The following NCOA5 variants were observed in gnomAD, a reference collection of about 807,000 sequenced individuals.
NCOA5 encodes nuclear receptor coactivator 5, also known as NCoA-5.
NCOA5 carries 12 observed loss-of-function variants against 59.0 expected under a neutral mutation model. The ratio of observed to expected loss-of-function variants is 0.20; its 90% CI spans 0.13 to 0.33. NCOA5 has a LOEUF of 0.33. Among genes scored for constraint, NCOA5 ranks in the 10% least tolerant of loss-of-function variants. The pLI is 1.00. For missense variants in NCOA5, 655 were observed against 766.6 expected (o/e 0.85, Z 1.72); for synonymous variants, 270 against 275.5 (o/e 0.98, Z 0.20).
At chr20:46,064,336 A>T (rs930784539) in intron 6 of NCOA5, among the ~76,000 whole-genome samples, 4 of 152,166 alleles carry the variant, frequency 2.6e-5, no homozygotes, top group Non-Finnish European at 4.4e-5. Context: ...GATCCTGCGT[A>T]TAGTGGGAAA....
intron 2 of NCOA5, among the ~76,000 whole-genome samples, chr20:46,071,982 C>G (rs1219625550): frequency 6.6e-6 from 1 of 152,206 alleles, no homozygotes; most frequent in Admixed American, 6.5e-5. Context: ...CCCCAACAAC[C>G]ATGCTCCTCC....
rs2085083528 is a variant in NCOA5, at chr20:46,089,820, T to A, written c.-33A>T. Reference sequence around the variant, plus strand: ...GCCAGCGCTTCCCGGCACTCACCGCTACCAGCGCGGCGGGCTCCCGGCCGC... The same window carrying A: ...GCCAGCGCTTCCCGGCACTCACCGCAACCAGCGCGGCGGGCTCCCGGCCGC... On this transcript the variant is annotated 5_prime_UTR_variant, in exon 1 of 8. Transcript: ENST00000290231. 6.6e-6 allele frequency: 1 copy of A among 152,094 alleles called. No homozygotes were observed. The highest frequency in any genetic ancestry group is 2.4e-5 in the African/African-American group (1 of 41,426). 9.4% of individuals were successfully genotyped at this position (152,094 alleles called of 1,614,324 possible).
chr20:46,080,994 T>C (rs12480744), intron 1 of NCOA5, among the ~76,000 whole-genome samples: 4,712 of 152,212 alleles, frequency 0.031, 162 homozygotes, highest in Admixed American at 0.11. Context: ...TGAAGAATAC[T>C]AGTTCAGGTT....
chr20:46,078,139 G>A (rs1275633311), intron 2 of NCOA5, among the ~76,000 whole-genome samples: 2 of 152,186 alleles, frequency 1.3e-5, no homozygotes, highest in East Asian at 1.9e-4. Flanking sequence ...TGCTGCACAG[G>A]CAGAGTGGAC....
chr20:46,062,043 C>A lies in NCOA5; in HGVS notation c.*257G>T. The stretch of plus-strand genomic sequence containing the variant: ...AAACCCCATCAAATACAAGCCCAGA[C>A]ACCTGTACTGCCCCCGGAGATATTT... On this transcript the variant is annotated 3_prime_UTR_variant, in exon 8 of 8. Transcript: ENST00000290231. The A allele has an allele frequency of 2.9e-6, 1 of 347,912 alleles. No homozygotes were observed. Among genetic ancestry groups the A allele is most frequent in the South Asian group, 6.1e-5 (1 of 16,356 alleles). The allele number at this position is 347,912 out of a possible 1,614,324, so 21.6% of individuals were successfully genotyped here.
chr20:46,089,174 G>A (rs2085073446), intron 1 of NCOA5, among the ~76,000 whole-genome samples: 1 of 152,110 alleles, frequency 6.6e-6, no homozygotes, highest in African/African-American at 2.4e-5. Context: ...TGGAAAGCCG[G>A]CCGGATCGGA....
Position 46,070,438 on chromosome 20 carries a change from C to T in NCOA5, c.137G>A (p.Arg46Gln), listed in dbSNP as rs562345534. Reference sequence around the variant, plus strand: ...AATGTCTCTGCTGTCCCGGGCATCCCGGCCATTTCTGCCATCCCTGGGCTC... The same window carrying T: ...AATGTCTCTGCTGTCCCGGGCATCCTGGCCATTTCTGCCATCCCTGGGCTC... ...RREPRDGRNG[R>Q]DARDSRDIRD... The change falls in exon 3 of 8, where the codon CGG (arginine) becomes CAG (glutamine). Residue 46 changes from arginine (R) to glutamine (Q), a missense_variant. Physicochemically the swap from Arg to Gln is conservative, Grantham distance 43. Coordinates refer to ENST00000290231, the MANE Select transcript of NCOA5 (RefSeq NM_020967.3). 17 of 1,613,964 alleles carry T rather than the reference C, an allele frequency of 1.1e-5. No individual in the cohort carries two copies. Among genetic ancestry groups the T allele is most frequent in the African/African-American group, 5.3e-5 (4 of 74,866 alleles).
chr20:46,070,156 G>A, intron 3 of NCOA5, 54 bp downstream of exon 3: 3 of 1,420,484 alleles, frequency 2.1e-6, no homozygotes, highest in Non-Finnish European at 2.9e-6. Flanking sequence ...TAGTTTAGCA[G>A]AACATACATA....
chr20:46,080,733 A>G (rs1035341042), intron 1 of NCOA5, among the ~76,000 whole-genome samples: 9 of 152,130 alleles, frequency 5.9e-5, no homozygotes, highest in African/African-American at 2.2e-4. Flanking sequence ...ATATAAAGCT[A>G]AATAGTGAAG....
intron 7 of NCOA5, among the ~76,000 whole-genome samples, 191 bp downstream of exon 7, chr20:46,063,169 C>T (rs886532105): frequency 1.3e-5 from 2 of 152,140 alleles, no homozygotes; most frequent in African/African-American, 4.8e-5. Context: ...TAGGGATCAG[C>T]ATTCAGTACC....
At chr20:46,071,215 GCT>G (rs1182140064) in intron 2 of NCOA5, among the ~76,000 whole-genome samples, 2 of 151,666 alleles carry the variant, frequency 1.3e-5, no homozygotes, top group Admixed American at 6.6e-5. Context: ...TGCTTTGTCT[GCT>G]CTGACTCAAT....
At chr20:46,083,030 A>G (rs1208304387) in intron 1 of NCOA5, among the ~76,000 whole-genome samples, 1 of 152,244 alleles carries the variant, frequency 6.6e-6, no homozygotes, top group Non-Finnish European at 1.5e-5. Context: ...TTAATTGTAC[A>G]ATCATAAAAC....
At chr20:46,076,514 G>A (rs992456697) in intron 2 of NCOA5, among the ~76,000 whole-genome samples, 2 of 151,114 alleles carry the variant, frequency 1.3e-5, no homozygotes, top group Non-Finnish European at 2.9e-5. Context: ...TGTTAAACCT[G>A]TCTTTTTTTT....
chr20:46,064,781 G>T (rs1489624268), intron 6 of NCOA5, among the ~76,000 whole-genome samples: 3 of 151,814 alleles, frequency 2.0e-5, no homozygotes, highest in Non-Finnish European at 2.9e-5. Context: ...ACTGGAACTT[G>T]TTGTTACACG....
chr20:46,085,700 AG>A, intron 1 of NCOA5, among the ~76,000 whole-genome samples: 1 of 152,304 alleles, frequency 6.6e-6, no homozygotes, highest in East Asian at 1.9e-4. Flanking sequence ...GAGGAATAAA[AG>A]AGAGAGGAAT....
chr20:46,077,466 A>G (rs1005485355), intron 2 of NCOA5, among the ~76,000 whole-genome samples: 6 of 152,196 alleles, frequency 3.9e-5, no homozygotes, highest in African/African-American at 1.4e-4. Flanking sequence ...AGGATGATAT[A>G]AAATACCCTT....
chr20:46,082,719 T>G (rs918004792), intron 1 of NCOA5, among the ~76,000 whole-genome samples: 1 of 152,212 alleles, frequency 6.6e-6, no homozygotes, highest in African/African-American at 2.4e-5. Flanking sequence ...GTCCAAGTGG[T>G]GGTCTGAAAA....
chr20:46,065,383 A>G (rs2084812750), intron 5 of NCOA5, among the ~76,000 whole-genome samples, 155 bp from the exon 6 acceptor site: 1 of 152,020 alleles, frequency 6.6e-6, no homozygotes, highest in South Asian at 2.1e-4. Flanking sequence ...CTCTCTCTCT[A>G]CCCTGGCTCA....
rs2084757254 is a variant in NCOA5, at chr20:46,061,152, C to G, written c.*1148G>C. 1 of 152,290 alleles carries G rather than the reference C, an allele frequency of 6.6e-6. No homozygotes were observed. The highest frequency in any genetic ancestry group is 1.5e-5 in the Non-Finnish European group (1 of 68,054). 9.4% of individuals were successfully genotyped at this position (152,290 alleles called of 1,614,324 possible). ...AAACCATTGTTTGCTTAACCACTGG[C>G]AGGGACTCAGCTGAAGTCGCTGCTC... On this transcript the variant is annotated 3_prime_UTR_variant, in exon 8 of 8. Transcript: ENST00000290231.
Sources: allele counts gnomAD v4.1 joint callset (sites outside exome capture counted in the v4.1 genomes callset), GRCh38; gene constraint gnomAD v4.1.1; transcripts MANE v1.5; gene names NCBI Gene and HGNC (gene_info 2026-07-23, HGNC 2026-07-21).